The following SRGAP2B variants were observed in gnomAD, a reference collection of about 807,000 sequenced individuals.
The protein encoded by SRGAP2B is SLIT-ROBO Rho GTPase activating protein 2B, also known as SLIT-ROBO Rho GTPase-activating protein 2B.
In SRGAP2B, 9 loss-of-function variants were observed where a neutral mutation model predicts 22.2. The ratio of observed to expected loss-of-function variants is 0.41; its 90% CI spans 0.24 to 0.71. SRGAP2B has a LOEUF of 0.71. Among genes scored for constraint, SRGAP2B ranks in the 30% least tolerant of loss-of-function variants. SRGAP2B has a pLI of 0.35. For missense variants in SRGAP2B, 114 were observed against 235.8 expected (o/e 0.48, Z 3.38); for synonymous variants, 36 against 87.4 (o/e 0.41, Z 3.28).
At chr1:144,888,937 A>C in exon 10 of SRGAP2B, 1 of 132,060 alleles carries the variant, frequency 7.6e-6, no homozygotes, top group South Asian at 2.4e-4. Context: ...CACGCCCAGC[A>C]GATTTATTTA....
intron 4 of SRGAP2B, among the ~76,000 whole-genome samples, chr1:144,951,912 A>C (rs1297124639): frequency 6.8e-6 from 1 of 147,792 alleles, no homozygotes; most frequent in African/African-American, 2.6e-5. Flanking sequence ...GACATTGTAG[A>C]TATCAGCACC....
intron 3 of SRGAP2B, among the ~76,000 whole-genome samples, chr1:144,973,296 T>C: frequency 6.8e-6 from 1 of 146,362 alleles, no homozygotes; most frequent in African/African-American, 2.7e-5. Flanking sequence ...AGAGTAATGG[T>C]CTTAAATTAT....
At chr1:144,911,656 C>T (rs1324743833) in intron 5 of SRGAP2B, among the ~76,000 whole-genome samples, 6 of 146,498 alleles carry the variant, frequency 4.1e-5, no homozygotes, top group East Asian at 2.0e-4. Context: ...CTTGCTCTGT[C>T]CCCCAGGCTG....
At chr1:144,945,601 AC>A (rs1428899743) in intron 4 of SRGAP2B, among the ~76,000 whole-genome samples, 1 of 150,624 alleles carries the variant, frequency 6.6e-6, no homozygotes, top group Non-Finnish European at 1.5e-5. Flanking sequence ...AAACAAACAA[AC>A]AAACAAACAA....
At chr1:145,039,033 A>AATTTAATAAT (rs1553627057) in intron 2 of SRGAP2B, among the ~76,000 whole-genome samples, 1 of 86,142 alleles carries the variant, frequency 1.2e-5, no homozygotes, top group East Asian at 2.7e-4. Flanking sequence ...ATATTTAATA[A>AATTTAATAAT]ATTTAATAAT....
At chr1:144,930,519 T>G (rs1269744672) in intron 4 of SRGAP2B, among the ~76,000 whole-genome samples, 2 of 144,638 alleles carry the variant, frequency 1.4e-5, no homozygotes, top group Admixed American at 6.9e-5. Context: ...ATGGAGGAAC[T>G]CTACAAGAAA....
intron 3 of SRGAP2B, among the ~76,000 whole-genome samples, chr1:144,963,104 G>A (rs587657842): frequency 5.3e-5 from 8 of 151,114 alleles, no homozygotes; most frequent in Admixed American, 4.6e-4. Context: ...AGCTTCTGTA[G>A]ACCTGGGACC....
At chr1:144,988,941 C>T (rs1362509119) in intron 3 of SRGAP2B, among the ~76,000 whole-genome samples, 3 of 142,594 alleles carry the variant, frequency 2.1e-5, no homozygotes, top group Non-Finnish European at 4.5e-5. Flanking sequence ...TTATCCAGTC[C>T]TATTTAGTTT....
intron 2 of SRGAP2B, among the ~76,000 whole-genome samples, chr1:145,027,011 A>AT (rs4058418): frequency 0.069 from 4,610 of 66,882 alleles, 193 homozygotes; most frequent in Non-Finnish European, 0.083. Flanking sequence ...GCTTTTTTTA[A>AT]TTTTTTTTTT....
At chr1:144,954,580 A>T (rs587619034) in intron 4 of SRGAP2B, among the ~76,000 whole-genome samples, 1 of 150,728 alleles carries the variant, frequency 6.6e-6, no homozygotes, top group African/African-American at 2.5e-5. Context: ...TATCATATAC[A>T]ATGGTTGGGG....
chr1:144,993,142 C>A (rs1386423938), intron 3 of SRGAP2B, among the ~76,000 whole-genome samples: 2 of 151,164 alleles, frequency 1.3e-5, no homozygotes, highest in East Asian at 3.9e-4. Context: ...AGTGAATGTT[C>A]TGTTTGGCTC....
At chr1:144,965,668 G>A (rs1205275409) in intron 3 of SRGAP2B, among the ~76,000 whole-genome samples, 3 of 124,366 alleles carry the variant, frequency 2.4e-5, no homozygotes, top group Non-Finnish European at 4.8e-5. Flanking sequence ...GAGAGAAGAA[G>A]GCTTCAGACG....
At chr1:144,958,306 G>A in intron 3 of SRGAP2B, among the ~76,000 whole-genome samples, 1 of 151,054 alleles carries the variant, frequency 6.6e-6, no homozygotes, top group Non-Finnish European at 1.5e-5. Flanking sequence ...TCAATAAACA[G>A]GATGGCTGGA....
At chr1:144,932,276 C>T (rs1553344357) in intron 4 of SRGAP2B, among the ~76,000 whole-genome samples, 3 of 150,296 alleles carry the variant, frequency 2.0e-5, no homozygotes, top group Admixed American at 6.6e-5. Context: ...CTGCAGGTCA[C>T]GGCCATATTT....
intron 3 of SRGAP2B, among the ~76,000 whole-genome samples, chr1:144,990,949 T>G (rs1182845671): frequency 6.6e-6 from 1 of 150,724 alleles, no homozygotes; most frequent in Admixed American, 6.6e-5. Context: ...CATGGGCTCC[T>G]GTGCGGCCGG....
chr1:144,966,304 C>A (rs1553612234), intron 3 of SRGAP2B, among the ~76,000 whole-genome samples: 1 of 149,756 alleles, frequency 6.7e-6, no homozygotes, highest in Non-Finnish European at 1.5e-5. Flanking sequence ...CGGCAGAAAC[C>A]CTACAAGCCA....
chr1:144,984,428 C>A (rs1553615586), intron 3 of SRGAP2B, among the ~76,000 whole-genome samples: 1 of 147,748 alleles, frequency 6.8e-6, no homozygotes, highest in Non-Finnish European at 1.5e-5. Context: ...ATTTATCAAT[C>A]ACCCAAGTCA....
chr1:144,970,344 G>T (rs1429089925), intron 3 of SRGAP2B, among the ~76,000 whole-genome samples: 1 of 100,870 alleles, frequency 9.9e-6, no homozygotes, highest in East Asian at 2.7e-4. Flanking sequence ...CATGTCCTTT[G>T]TAGGGACATG....
At chr1:145,006,691 G>T (rs1671618864) in intron 2 of SRGAP2B, among the ~76,000 whole-genome samples, 2 of 150,398 alleles carry the variant, frequency 1.3e-5, no homozygotes, top group South Asian at 2.1e-4. Context: ...GTTGACCACA[G>T]TTTTTTTTTA....
Sources: allele counts gnomAD v4.1 joint callset (sites outside exome capture counted in the v4.1 genomes callset), GRCh38; gene constraint gnomAD v4.1.1; transcripts MANE v1.5; gene names NCBI Gene and HGNC (gene_info 2026-07-23, HGNC 2026-07-21).